Variants in BNIP5 observed in about 807,000 individuals in gnomAD.
The protein encoded by BNIP5 is BCL2 interacting protein 5, also known as protein BNIP5.
In BNIP5, 61 loss-of-function variants were observed where a neutral mutation model predicts 67.3. The observed-to-expected ratio is 0.91, with a 90% CI of 0.74 to 1.12. The LOEUF (loss-of-function observed/expected upper bound fraction) is 1.12. Ranked by LOEUF, BNIP5 falls within the 50% of genes most tolerant of loss-of-function variation. The pLI is 0.00. For synonymous variants in BNIP5, 317 were observed against 319.0 expected (o/e 0.99, Z 0.07); for missense variants, 826 against 816.3 (o/e 1.01, Z -0.14).
In BNIP5 at chr6:36,326,571, C is replaced by T. The variant is rs1440766722; in HGVS notation, c.975G>A (p.Lys325=). The T allele has an allele frequency of 6.2e-7, 1 of 1,614,254 alleles. No individual in the cohort carries two copies. The highest frequency in any genetic ancestry group is 1.3e-5 in the African/African-American group (1 of 75,074). ...CACACAGGGGCAGAAAGCTGGACTT[C>T]TTGGGTGGCCAGGCCTCTGGACTGG... ...DVSSPEAWPP[K]KSSFLPLCVS... Residue 325 remains lysine, a synonymous_variant, in exon 5 of 12, where the codon AAG becomes AAA. Coordinates refer to ENST00000437635, the MANE Select transcript of BNIP5 (RefSeq NM_001010903.5).
At chr6:36,322,105 G>T (rs541974273) in intron 9 of BNIP5, among the ~76,000 whole-genome samples, 27 of 152,244 alleles carry the variant, frequency 1.8e-4, no homozygotes, top group Admixed American at 1.0e-3. Flanking sequence ...AGGATAGACA[G>T]GTGTCCTCTA....
chr6:36,326,059 TGATC>T (rs1771754560), intron 5 of BNIP5, among the ~76,000 whole-genome samples: 1 of 152,230 alleles, frequency 6.6e-6, no homozygotes, highest in Non-Finnish European at 1.5e-5. Flanking sequence ...CTGTGAGGAC[TGATC>T]GTGTTATAGA....
At chr6:36,322,530 A>T in intron 8 of BNIP5, 88 bp from the exon 9 acceptor site, 1 of 1,436,648 alleles carries the variant, frequency 7.0e-7, no homozygotes, top group Non-Finnish European at 9.4e-7. Flanking sequence ...AGGCATAAGC[A>T]GGGGCTGGTT....
At chr6:36,325,437 G>T in intron 5 of BNIP5, 23 bp from the exon 6 acceptor site, 1 of 1,599,838 alleles carries the variant, frequency 6.3e-7, no homozygotes, top group African/African-American at 1.3e-5. Flanking sequence ...AGGAGAACGA[G>T]GGTGTGTTTT....
Position 36,330,140 on chromosome 6 carries a change from A to G in BNIP5, c.551T>C (p.Leu184Ser). The change falls in exon 2 of 12, where the codon TTG becomes TCG. Residue 184 changes from leucine to serine, a missense_variant. Coordinates refer to ENST00000437635, the MANE Select transcript of BNIP5 (RefSeq NM_001010903.5). The stretch of plus-strand genomic sequence containing the variant: ...GCGCAAGGCAGCAGCTGCCTTGGAC[A>G]ACCCTTCCTCTCGGCCTCTGGCCTC... ...DQEARGREEG[L>S]SKAAAALRSG... The G allele has an allele frequency of 1.2e-6, 2 of 1,609,054 alleles. No homozygotes were observed. The highest frequency in any genetic ancestry group is 1.7e-6 in the Non-Finnish European group (2 of 1,176,396).
Position 36,330,503 on chromosome 6 carries a change from G to A in BNIP5, c.188C>T (p.Ala63Val). The A allele has an allele frequency of 6.2e-7, 1 of 1,614,148 alleles. No individual in the cohort carries two copies. The highest frequency in any genetic ancestry group is 8.5e-7 in the Non-Finnish European group (1 of 1,180,022). Reference protein sequence around the residue: ...SDWARHSDSPAPSAEAHCTTA... With the variant: ...SDWARHSDSPVPSAEAHCTTA... ...GGTGCAGTGAGCCTCTGCAGATGGA[G>A]CTGGGCTGTCTGAATGTCTGGCCCA... The change falls in exon 2 of 12, where the codon GCT (alanine) becomes GTT (valine). Residue 63 changes from alanine (A) to valine (V), a missense_variant. By Grantham distance (64) the Ala-to-Val change is moderately conservative. Coordinates refer to ENST00000437635, the MANE Select transcript of BNIP5 (RefSeq NM_001010903.5).
At chr6:36,319,758 C>T (rs1771596469) in intron 10 of BNIP5, 148 bp from the exon 11 acceptor site, 2 of 889,672 alleles carry the variant, frequency 2.2e-6, no homozygotes, top group Non-Finnish European at 1.7e-6. Flanking sequence ...TGCCCCTAGC[C>T]TCTCAGAATC....
chr6:36,320,011 A>G (rs1406202422), intron 10 of BNIP5, among the ~76,000 whole-genome samples: 1 of 152,242 alleles, frequency 6.6e-6, no homozygotes, highest in Non-Finnish European at 1.5e-5. Context: ...AATGTAAAGT[A>G]TCCACCCAAC....
intron 6 of BNIP5, 55 bp from the exon 7 acceptor site, chr6:36,324,245 G>C: frequency 1.3e-6 from 2 of 1,503,256 alleles, no homozygotes; most frequent in Non-Finnish European, 1.8e-6. Flanking sequence ...CTCTTCTGCG[G>C]TCAGTCTTCA....
rs1375932743 is a variant in BNIP5, at chr6:36,330,206, T to C, written c.485A>G (p.Lys162Arg). Reference protein sequence around the residue: ...KKPSRKKQGHKKHAAEVTKAA... With the variant: ...KKPSRKKQGHRKHAAEVTKAA... Reference sequence around the variant, plus strand: ...CTTAGTCACCTCGGCCGCGTGTTTCTTGTGACCTTGCTTCTTGCGGCTGGG... The same window carrying C: ...CTTAGTCACCTCGGCCGCGTGTTTCCTGTGACCTTGCTTCTTGCGGCTGGG... Residue 162 changes from lysine (K) to arginine (R), a missense_variant, in exon 2 of 12, where the codon AAG becomes AGG. Coordinates refer to ENST00000437635, the MANE Select transcript of BNIP5 (RefSeq NM_001010903.5). The C allele has an allele frequency of 6.2e-7, 1 of 1,614,026 alleles. No individual in the cohort carries two copies. The highest frequency in any genetic ancestry group is 8.5e-7 in the Non-Finnish European group (1 of 1,180,034).
rs1002044531 is a variant in BNIP5 at position 36,335,139 on chromosome 6, G to A, written c.-5+1573C>T. Among the ~76,000 whole-genome samples, 6 of 152,336 alleles carry A rather than the reference G, an allele frequency of 3.9e-5. No individual in the cohort carries two copies. The South Asian group carries it at 8.3e-4, about 21-fold the overall frequency. ...CACAAAGCTGACCCTGGAACGGGAA[G>A]TTTGCTTGCCTTCCCCAAGCTTGCT... On this transcript the variant is annotated intron_variant, in intron 1 of 11. Coordinates refer to ENST00000437635, the MANE Select transcript of BNIP5 (RefSeq NM_001010903.5).
rs753766035 is a variant in BNIP5 at position 36,323,396 on chromosome 6, C to A, written c.1368G>T (p.Ala456=). The A allele has an allele frequency of 4.4e-5, 71 of 1,614,132 alleles. No homozygotes were observed. Among genetic ancestry groups the A allele is most frequent in the Non-Finnish European group, 5.8e-5 (68 of 1,180,040 alleles). The stretch of plus-strand genomic sequence containing the variant: ...CTGGGCTGGCAGCCCCTGCTGCCCC[C>A]GCTCTTCTGGGTTCCTTGGAGGTGT... The part of the protein sequence containing the change: ...KKHTSKEPRR[A]GAAGAASPEA... The change falls in exon 8 of 12, where the codon GCG becomes GCT. Residue 456 remains alanine, a synonymous_variant. Coordinates refer to ENST00000437635, the MANE Select transcript of BNIP5 (RefSeq NM_001010903.5).
In BNIP5 at chr6:36,328,697, G is replaced by C. The variant is rs755668333; in HGVS notation, c.628C>G (p.His210Asp). ...PARRGGEDSD[H>D]QSFLIKVDGT... ...TCCACTTTGATGAGGAAGGACTGGT[G>C]ATCAGAATCTTCCCCACCTGGAATA... The change falls in exon 3 of 12, where the codon CAC becomes GAC. Residue 210 changes from histidine (H) to aspartate (D), a missense_variant. His to Asp is a moderately conservative substitution (Grantham distance 81). Transcript: ENST00000437635. The C allele has an allele frequency of 6.2e-7, 1 of 1,612,480 alleles. No individual in the cohort carries two copies. Among genetic ancestry groups the C allele is most frequent in the Non-Finnish European group, 8.5e-7 (1 of 1,178,506 alleles).
intron 1 of BNIP5, among the ~76,000 whole-genome samples, chr6:36,331,158 G>A (rs139988057): frequency 1.3e-3 from 201 of 152,338 alleles, no homozygotes; most frequent in African/African-American, 4.8e-3. Flanking sequence ...AACGTGAGTA[G>A]TGTCAACAAT....
rs141797455 is a variant in BNIP5 at position 36,325,316 on chromosome 6, C to T, written c.1135G>A (p.Glu379Lys). 6.2e-7 allele frequency: 1 copy of T among 1,614,212 alleles called. No homozygotes were observed. Among genetic ancestry groups the T allele is most frequent in the Non-Finnish European group, 8.5e-7 (1 of 1,180,038 alleles). Residue 379 changes from glutamate to lysine, a missense_variant, in exon 6 of 12, where the codon GAG becomes AAG. Physicochemically the swap from Glu to Lys is moderately conservative, Grantham distance 56 (BLOSUM62 1). Coordinates refer to ENST00000437635, the MANE Select transcript of BNIP5 (RefSeq NM_001010903.5). ...PTPSESQEPG[E>K]ELPLDRASEY... ...GAGGCTCTGTCCAGCGGAAGCTCCTCTCCAGGTTCCTGGCTCTCTGATGGG... is the reference window on the plus strand; with the variant it reads ...GAGGCTCTGTCCAGCGGAAGCTCCTTTCCAGGTTCCTGGCTCTCTGATGGG...
intron 1 of BNIP5, among the ~76,000 whole-genome samples, chr6:36,331,905 T>C (rs1052720122): frequency 1.8e-4 from 28 of 152,128 alleles, no homozygotes; most frequent in Non-Finnish European, 3.4e-4. Flanking sequence ...GTCCTCACCC[T>C]GACGGCCCCC....
rs542104425 is a variant in BNIP5, at chr6:36,335,496, C to T, written c.-5+1216G>A. 1.7e-4 allele frequency among the ~76,000 whole-genome samples: 26 copies of T among 152,286 alleles called. No homozygotes were observed. In the South Asian group the frequency reaches 5.4e-3, roughly 32 times the overall value. On this transcript the variant is annotated intron_variant, in intron 1 of 11. Coordinates refer to ENST00000437635, the MANE Select transcript of BNIP5 (RefSeq NM_001010903.5). ...CAAGACGCCCTGTATTTCTCCTGTC[C>T]CAAGTGTAAGGGAATAATTATGTGA...
In BNIP5 at chr6:36,325,284, G is replaced by A. The variant is rs746754060; in HGVS notation, c.1167C>T (p.Tyr389=). The change falls in exon 6 of 12, where the codon TAC becomes TAT. Residue 389 remains tyrosine, a splice_region_variant and synonymous_variant. Transcript: ENST00000437635. ...EELPLDRASE[Y]KEFIQKIISM... is the part of the protein sequence containing the mutation. ...TGAGAAAAAGAGAGGAGTACTGACT[G>A]TATTCCGAGGCTCTGTCCAGCGGAA... 6.2e-7 allele frequency: 1 copy of A among 1,614,092 alleles called. No homozygotes were observed. The highest frequency in any genetic ancestry group is 8.5e-7 in the Non-Finnish European group (1 of 1,179,986).
chr6:36,327,007 G>A, intron 4 of BNIP5, 23 bp downstream of exon 4: 1 of 1,606,848 alleles, frequency 6.2e-7, no homozygotes, highest in Non-Finnish European at 8.5e-7. Flanking sequence ...AGCCCCTGGA[G>A]ACCTGCAAAG....
Sources: gnomAD v4.1 joint callset for allele counts (sites outside exome capture counted in the v4.1 genomes callset) on GRCh38, gnomAD v4.1.1 for gene constraint, MANE v1.5 for transcripts, NCBI Gene and HGNC (gene_info 2026-07-23, HGNC 2026-07-21) for gene names.